WARS2: variants seen among roughly 807,000 people sequenced by gnomAD.
WARS2 encodes tryptophan--tRNA ligase, mitochondrial.
In WARS2, 28 loss-of-function variants were observed where a neutral mutation model predicts 36.5. That is an observed-to-expected ratio of 0.77 (90% CI 0.57 to 1.05). WARS2 has a LOEUF of 1.05. WARS2 is among the 50% of genes least tolerant of loss of function. The pLI, the probability that WARS2 is intolerant of heterozygous loss-of-function variation, is 0.00. For missense variants in WARS2, 435 were observed against 456.8 expected (o/e 0.95, Z 0.44); for synonymous variants, 174 against 178.4 (o/e 0.98, Z 0.20).
chr1:119,104,561 G>C (rs759942094), intron 1 of WARS2, among the ~76,000 whole-genome samples: 25 of 148,730 alleles, frequency 1.7e-4, no homozygotes, highest in Admixed American at 5.4e-4. Context: ...TCCATAAAGA[G>C]ACATGTAAAA....
intron 1 of WARS2, among the ~76,000 whole-genome samples, chr1:119,088,925 C>G (rs1227283361): frequency 1.3e-5 from 2 of 152,170 alleles, no homozygotes; most frequent in Admixed American, 1.3e-4. Context: ...ATCTTTCCTA[C>G]CAGAAAGTCT....
At chr1:119,038,430 A>C (rs183088729) in intron 4 of WARS2, among the ~76,000 whole-genome samples, 1 of 152,330 alleles carries the variant, frequency 6.6e-6, no homozygotes, top group Admixed American at 6.5e-5. Flanking sequence ...TGACAGTCTC[A>C]AAGAAAGAGA....
chr1:119,121,364 G>A (rs767140137), intron 1 of WARS2, among the ~76,000 whole-genome samples: 9 of 152,052 alleles, frequency 5.9e-5, no homozygotes, highest in South Asian at 4.2e-4. Flanking sequence ...CAAGGAAAAC[G>A]TTGAAATACT....
chr1:119,074,768 C>T (rs748195494), intron 2 of WARS2, among the ~76,000 whole-genome samples: 4 of 152,038 alleles, frequency 2.6e-5, no homozygotes, highest in South Asian at 2.1e-4. Flanking sequence ...AAAATAACAC[C>T]GCCACTATAT....
chr1:119,087,598 G>A (rs932642353), intron 1 of WARS2, among the ~76,000 whole-genome samples: 1 of 152,162 alleles, frequency 6.6e-6, no homozygotes, highest in Non-Finnish European at 1.5e-5. Context: ...AGTGGAATCC[G>A]AGGTCCATTT....
chr1:119,089,255 C>A (rs890292876), intron 1 of WARS2, among the ~76,000 whole-genome samples: 1 of 152,192 alleles, frequency 6.6e-6, no homozygotes, highest in African/African-American at 2.4e-5. Context: ...CATGTTCCAG[C>A]TAATCATGGC....
At chr1:119,037,848 T>C (rs763661960) in intron 4 of WARS2, among the ~76,000 whole-genome samples, 8 of 152,232 alleles carry the variant, frequency 5.3e-5, no homozygotes, top group Non-Finnish European at 1.0e-4. Flanking sequence ...ATGTTTCTTA[T>C]ATTTGTCTAC....
intron 4 of WARS2, among the ~76,000 whole-genome samples, chr1:119,040,362 T>C (rs1305580471): frequency 6.6e-6 from 1 of 152,260 alleles, no homozygotes. Flanking sequence ...GTAGTCATTC[T>C]TGTTAAAGTT....
chr1:119,104,771 A>C (rs1377717053), intron 1 of WARS2, among the ~76,000 whole-genome samples: 1 of 151,736 alleles, frequency 6.6e-6, no homozygotes, highest in Non-Finnish European at 1.5e-5. Context: ...AGGCCAAAAA[A>C]AAAAAAAACC....
chr1:119,106,078 G>T (rs1322280344), intron 1 of WARS2, among the ~76,000 whole-genome samples: 1 of 152,108 alleles, frequency 6.6e-6, no homozygotes, highest in African/African-American at 2.4e-5. Flanking sequence ...GGAAGACAAC[G>T]GAATAAAAAC....
intron 1 of WARS2, among the ~76,000 whole-genome samples, chr1:119,101,545 G>A (rs1325729746): frequency 2.0e-5 from 3 of 152,020 alleles, no homozygotes; most frequent in Non-Finnish European, 4.4e-5. Flanking sequence ...ATGTTTTCAA[G>A]CAGTGTCTGT....
chr1:119,075,430 T>C (rs1347228090), intron 2 of WARS2, among the ~76,000 whole-genome samples: 1 of 152,192 alleles, frequency 6.6e-6, no homozygotes, highest in Non-Finnish European at 1.5e-5. Flanking sequence ...CAACACTCTT[T>C]GGATGCCAAG....
At chr1:119,129,255 C>CACCAG (rs1378617124) in intron 1 of WARS2, among the ~76,000 whole-genome samples, 1 of 152,214 alleles carries the variant, frequency 6.6e-6, no homozygotes, top group African/African-American at 2.4e-5. Flanking sequence ...AGGAAGCCCT[C>CACCAG]ACCAGACGTG....
At chr1:119,101,645 C>T (rs1653871387) in intron 1 of WARS2, among the ~76,000 whole-genome samples, 1 of 152,202 alleles carries the variant, frequency 6.6e-6, no homozygotes, top group Non-Finnish European at 1.5e-5. Flanking sequence ...TCACATCTAA[C>T]ACAGGATTCC....
chr1:119,120,370 T>TA lies in WARS2; in HGVS notation c.90+20184dup, dbSNP rs757259729. On this transcript the variant is annotated intron_variant, in intron 1 of 5. Transcript: ENST00000235521. The stretch of plus-strand genomic sequence containing the variant: ...TAAACCAGGAAGAAACAAAAACTCT[T>TA]AAAAAAAAATAACAAGTAATGAGAT... Among the ~76,000 whole-genome samples, 7 of 150,086 alleles carry TA rather than the reference T, an allele frequency of 4.7e-5. No homozygotes were observed. In the East Asian group the frequency reaches 7.8e-4, roughly 17 times the overall value.
chr1:119,123,203 G>A (rs1006630226), intron 1 of WARS2, among the ~76,000 whole-genome samples: 1 of 152,174 alleles, frequency 6.6e-6, no homozygotes, highest in Admixed American at 6.5e-5. Flanking sequence ...CCCTTGAAGG[G>A]TGGAAACTTT....
intron 4 of WARS2, among the ~76,000 whole-genome samples, chr1:119,037,096 C>A (rs534998146): frequency 6.6e-6 from 1 of 152,158 alleles, no homozygotes; most frequent in East Asian, 1.9e-4. Context: ...AAAATTTATA[C>A]CCTGCATAAT....
intron 1 of WARS2, among the ~76,000 whole-genome samples, chr1:119,120,050 T>C (rs1655231150): frequency 6.6e-6 from 1 of 150,786 alleles, no homozygotes; most frequent in African/African-American, 2.4e-5. Context: ...AGAAGAAAAA[T>C]AACAAAGATC....
intron 1 of WARS2, among the ~76,000 whole-genome samples, chr1:119,087,255 G>A (rs977728975): frequency 6.6e-6 from 1 of 152,008 alleles, no homozygotes; most frequent in African/African-American, 2.4e-5. Context: ...TATATACCCA[G>A]TAAATAGCAC....
Sources: gnomAD v4.1 joint callset for allele counts (sites outside exome capture counted in the v4.1 genomes callset) on GRCh38, gnomAD v4.1.1 for gene constraint, MANE v1.5 for transcripts, NCBI Gene and HGNC (gene_info 2026-07-23, HGNC 2026-07-21) for gene names.